CACNA1C: variants seen among roughly 807,000 people sequenced by gnomAD.
The protein encoded by CACNA1C is calcium voltage-gated channel subunit alpha1 C.
A neutral mutation model predicts 229.0 loss-of-function variants in CACNA1C; 30 were observed. The observed-to-expected ratio is 0.13, with a 90% CI of 0.10 to 0.18. The LOEUF (loss-of-function observed/expected upper bound fraction) is 0.18, where lower values mean the gene tolerates loss of function less well. Ranked by LOEUF, CACNA1C falls within the 10% of genes least tolerant of loss-of-function variation. The probability of loss-of-function intolerance (pLI) is 1.00; values close to 1 mark genes in which losing one functional copy is unlikely to be tolerated. For missense variants in CACNA1C, 1,658 were observed against 2,845.0 expected (o/e 0.58, Z 9.49); for synonymous variants, 1,114 against 1,132.5 (o/e 0.98, Z 0.33).
upstream of CACNA1C, among the ~76,000 whole-genome samples, chr12:2,050,680 A>T (rs990405380): frequency 1.3e-5 from 2 of 152,230 alleles, no homozygotes; most frequent in African/African-American, 4.8e-5. Flanking sequence ...AAGAGGCCAG[A>T]TTTCTCTTGT....
chr12:2,464,658 T>C (rs1373030316), intron 5 of CACNA1C, among the ~76,000 whole-genome samples: 3 of 152,228 alleles, frequency 2.0e-5, no homozygotes, highest in African/African-American at 4.8e-5. Context: ...TGTGAGTCTT[T>C]ACAAGATTAG....
intron 9 of CACNA1C, among the ~76,000 whole-genome samples, chr12:2,520,745 C>T (rs1227938367): frequency 3.6e-5 from 5 of 137,148 alleles, no homozygotes; most frequent in African/African-American, 9.3e-5. Flanking sequence ...GAAGCCATGA[C>T]AGTCTTCTCA....
intron 13 of CACNA1C, among the ~76,000 whole-genome samples, chr12:2,572,382 C>T (rs1369260821): frequency 6.5e-5 from 1 of 15,446 alleles, no homozygotes; most frequent in Non-Finnish European, 1.3e-4. Context: ...TCTTCCTCCT[C>T]TTCCTCCTCC....
At position 2,221,752 on chromosome 12, in the gene CACNA1C, T is replaced by A. The variant is rs2061517599; in HGVS notation, c.477+101322T>A. The A allele has an allele frequency of 2.0e-5, 3 of 152,346 alleles. No individual in the cohort carries two copies. The South Asian group carries it at 6.2e-4, about 32-fold the overall frequency. 9.4% of individuals were successfully genotyped at this position (152,346 alleles called of 1,614,324 possible). ...ACTTACAAGTGTGTTCATTGTAGTC[T>A]TATTTGTAATGGAGCTAAACCTGGG... On this transcript the variant is annotated intron_variant, in intron 3 of 46. Transcript: ENST00000399655.
chr12:2,001,350 T>G (rs1795646659), intron 1 of CACNA1C, among the ~76,000 whole-genome samples: 1 of 152,198 alleles, frequency 6.6e-6, no homozygotes, highest in Non-Finnish European at 1.5e-5. Flanking sequence ...CTGGGGTATT[T>G]TAGCTTAAAT....
rs564240884 is a variant in CACNA1C, at chr12:2,179,316, A to G, written c.477+58886A>G. Among the ~76,000 whole-genome samples, 6 of 152,346 alleles carry G rather than the reference A, an allele frequency of 3.9e-5. 1 individual carries two copies. In the South Asian group the frequency reaches 8.3e-4, roughly 21 times the overall value. On this transcript the variant is annotated intron_variant, in intron 3 of 46. Transcript: ENST00000399655. ...AGTCGGGGAGGAGGTATGCATTGCCACAGACTTAGGAAGTGTTCCCTGGAC... is the reference window on the plus strand; with the variant it reads ...AGTCGGGGAGGAGGTATGCATTGCCGCAGACTTAGGAAGTGTTCCCTGGAC...
chr12:2,547,904 G>A (rs1408510429), intron 9 of CACNA1C, among the ~76,000 whole-genome samples: 5 of 152,040 alleles, frequency 3.3e-5, no homozygotes, highest in South Asian at 2.1e-4. Flanking sequence ...CTGCCCCTCC[G>A]ATTTTGTCTG....
chr12:2,541,746 G>A (rs950852858), intron 9 of CACNA1C, among the ~76,000 whole-genome samples: 16 of 152,216 alleles, frequency 1.1e-4, no homozygotes, highest in African/African-American at 3.6e-4. Flanking sequence ...TCTCATGAGA[G>A]GCCAGCCACT....
At chr12:2,001,278 A>C (rs1025719716) in intron 1 of CACNA1C, among the ~76,000 whole-genome samples, 1 of 152,156 alleles carries the variant, frequency 6.6e-6, no homozygotes, top group Non-Finnish European at 1.5e-5. Context: ...AGCTAAAACA[A>C]GATTAGATGT....
In CACNA1C at chr12:2,057,785, G is replaced by A. The variant is rs1004211253; in HGVS notation, c.49+4174G>A. On this transcript the variant is annotated intron_variant, in intron 1 of 46. Transcript: ENST00000399655. The stretch of plus-strand genomic sequence containing the variant: ...ATGGCCAGATGTTAATTTTCTCCCT[G>A]ATTTTTCACTGATGGTTTAGTAACC... Among the ~76,000 whole-genome samples the A allele has an allele frequency of 1.1e-3, 166 of 152,298 alleles. 1 individual carries two copies. The highest frequency in any genetic ancestry group is 3.9e-3 in the African/African-American group (161 of 41,554).
intron 3 of CACNA1C, among the ~76,000 whole-genome samples, chr12:2,284,120 G>A (rs991143671): frequency 3.9e-5 from 6 of 152,118 alleles, no homozygotes; most frequent in Non-Finnish European, 7.4e-5. Flanking sequence ...CCCCTAGCTC[G>A]TCCCTGGCCC....
chr12:2,095,557 G>A (rs1029727762), intron 1 of CACNA1C, among the ~76,000 whole-genome samples: 10 of 152,200 alleles, frequency 6.6e-5, no homozygotes, highest in Non-Finnish European at 1.0e-4. Context: ...GGGAGAATCC[G>A]GGCAGCACTG....
intron 3 of CACNA1C, among the ~76,000 whole-genome samples, chr12:2,411,918 C>T (rs569332635): frequency 1.5e-4 from 23 of 152,214 alleles, no homozygotes; most frequent in Non-Finnish European, 2.8e-4. Context: ...AAGGGGAAGG[C>T]GTTTGACTTA....
At chr12:2,155,441 G>A (rs2095508279) in intron 3 of CACNA1C, among the ~76,000 whole-genome samples, 1 of 152,082 alleles carries the variant, frequency 6.6e-6, no homozygotes, top group Non-Finnish European at 1.5e-5. Context: ...AGGATCTTAA[G>A]GACTTTTTCA....
intron 5 of CACNA1C, among the ~76,000 whole-genome samples, chr12:2,464,169 G>A (rs1447785144): frequency 1.3e-5 from 2 of 152,124 alleles, no homozygotes; most frequent in Non-Finnish European, 2.9e-5. Flanking sequence ...GACTTGATCT[G>A]ATGATGAAAG....
At chr12:2,517,698 A>T (rs1451170774) in intron 9 of CACNA1C, among the ~76,000 whole-genome samples, 2 of 152,178 alleles carry the variant, frequency 1.3e-5, no homozygotes, top group Non-Finnish European at 2.9e-5. Context: ...GAAGGGACCC[A>T]TTGCAGAACT....
chr12:2,510,884 C>G (rs567191494), intron 8 of CACNA1C, among the ~76,000 whole-genome samples: 2 of 152,204 alleles, frequency 1.3e-5, no homozygotes, highest in African/African-American at 4.8e-5. Flanking sequence ...GTTACTGTCT[C>G]CAGGAGCAAG....
At chr12:1,993,523 C>T (rs889116965) in intron 1 of CACNA1C, 17 of 1,079,224 alleles carry the variant, frequency 1.6e-5, no homozygotes, top group Non-Finnish European at 2.0e-5. Flanking sequence ...GCAGCCTGTA[C>T]ACGTACTTCT....
intron 6 of CACNA1C, among the ~76,000 whole-genome samples, chr12:2,492,777 T>G (rs1048019769): frequency 3.0e-4 from 45 of 152,222 alleles, no homozygotes; most frequent in Non-Finnish European, 3.1e-4. Flanking sequence ...TCTATAGAAC[T>G]CTACCACCAG....
Sources: gnomAD v4.1 joint callset for allele counts (sites outside exome capture counted in the v4.1 genomes callset) on GRCh38, gnomAD v4.1.1 for gene constraint, MANE v1.5 for transcripts, NCBI Gene and HGNC (gene_info 2026-07-23, HGNC 2026-07-21) for gene names.